The following SMPD4 variants were observed in gnomAD, a reference collection of about 807,000 sequenced individuals.
The protein encoded by SMPD4 is sphingomyelin phosphodiesterase 4.
A neutral mutation model predicts 97.8 loss-of-function variants in SMPD4; 58 were observed. That is an observed-to-expected ratio of 0.59 (90% CI 0.48 to 0.74). SMPD4 has a LOEUF of 0.74. Ranked by LOEUF, SMPD4 falls within the 30% of genes least tolerant of loss-of-function variation. The pLI is 0.00. For missense variants in SMPD4, 853 were observed against 1,080.5 expected, an observed-to-expected ratio of 0.79 and a Z score of 2.95; for synonymous variants, 388 against 450.0, an observed-to-expected ratio of 0.86 and a Z score of 1.74.
Position 130,172,857 on chromosome 2 carries a change from A to G in SMPD4, c.384T>C (p.Pro128=). 1 of 1,613,922 alleles carries G rather than the reference A, an allele frequency of 6.2e-7. No homozygotes were observed. Among genetic ancestry groups the G allele is most frequent in the Non-Finnish European group, 8.5e-7 (1 of 1,179,890 alleles). Residue 128 remains proline (P), a synonymous_variant, in exon 6 of 20, where the codon CCT becomes CCC. Transcript: ENST00000680298. ...VKASIQECIL[P]DSPLYHNKVQ... is the part of the protein sequence containing the mutation. The stretch of plus-strand genomic sequence containing the variant: ...CCTTGTTGTGGTACAGAGGACTGTC[A>G]GGGAGGATGCACTCCTGGATGGACG...
intron 11 of SMPD4, among the ~76,000 whole-genome samples, chr2:130,160,571 G>A (rs1328624385): frequency 6.6e-6 from 1 of 152,236 alleles, no homozygotes; most frequent in African/African-American, 2.4e-5. Flanking sequence ...ATCTGCCTCT[G>A]GAGGTGTGTA....
At chr2:130,162,412 G>A (rs1421401657) in intron 10 of SMPD4, among the ~76,000 whole-genome samples, 8 of 152,266 alleles carry the variant, frequency 5.3e-5, no homozygotes, top group African/African-American at 1.2e-4. Context: ...GCCATGACAC[G>A]CAGAGCAGGG....
At chr2:130,178,279 CTA>C (rs1464322418) in intron 1 of SMPD4, among the ~76,000 whole-genome samples, 1 of 152,156 alleles carries the variant, frequency 6.6e-6, no homozygotes, top group African/African-American at 2.4e-5. Context: ...TACAGATGTA[CTA>C]TGACTGCAGG....
Position 130,154,510 on chromosome 2 carries a change from C to T in SMPD4, c.1454-28G>A. 3 of 1,551,370 alleles carry T rather than the reference C, an allele frequency of 1.9e-6. No homozygotes were observed. In the South Asian group the frequency reaches 3.6e-5, roughly 18 times the overall value. ...AGAAGGCAGGAGACGAACCTGGCAC[C>T]CACTTCCCGGAGGCAGAGTACCCGA... On this transcript the variant is annotated intron_variant, in intron 15 of 19. Transcript: ENST00000680298.
intron 1 of SMPD4, among the ~76,000 whole-genome samples, chr2:130,178,866 A>G (rs1256468780): frequency 1.3e-5 from 2 of 152,014 alleles, no homozygotes; most frequent in African/African-American, 4.8e-5. Flanking sequence ...CTCTCAGCTC[A>G]CCCAGGTCAG....
Position 130,156,153 on chromosome 2 carries a change from G to A in SMPD4, c.1189-18C>T. On this transcript the variant is annotated intron_variant, in intron 13 of 19. Coordinates refer to ENST00000680298, the MANE Select transcript of SMPD4 (RefSeq NM_017951.5). ...TCCAGGACCTGTGGGGGAGGTGTGTGCTAAGGGCTCCGTGGCTGGGGGCCA... is the reference window on the plus strand; with the variant it reads ...TCCAGGACCTGTGGGGGAGGTGTGTACTAAGGGCTCCGTGGCTGGGGGCCA... 4 of 1,591,512 alleles carry A rather than the reference G, an allele frequency of 2.5e-6. No individual in the cohort carries two copies. Among genetic ancestry groups the A allele is most frequent in the Non-Finnish European group, 3.4e-6 (4 of 1,164,038 alleles).
chr2:130,180,303 G>C (rs1023328648), intron 1 of SMPD4, among the ~76,000 whole-genome samples: 2 of 141,716 alleles, frequency 1.4e-5, no homozygotes, highest in Non-Finnish European at 3.1e-5. Flanking sequence ...TCTCGCTCTG[G>C]GCTCTGTCGC....
intron 1 of SMPD4, among the ~76,000 whole-genome samples, chr2:130,179,196 T>C (rs1415775207): frequency 2.0e-5 from 3 of 151,132 alleles, no homozygotes; most frequent in Non-Finnish European, 4.4e-5. Context: ...CTATCTTGGC[T>C]CACTGCAAGC....
rs1686381911 is a variant in SMPD4 at position 130,152,990 on chromosome 2, G to A, written c.2154+53C>T. The A allele has an allele frequency of 2.4e-5, 38 of 1,575,834 alleles. 1 individual carries two copies. The South Asian group carries it at 4.3e-4, about 18-fold the overall frequency. ...CACCCCAGGACTGCACCCCAGGCAG[G>A]AGCATCTAGAACCCTCTCTGAAGAC... On this transcript the variant is annotated intron_variant, in intron 19 of 19. Transcript: ENST00000680298.
Position 130,153,545 on chromosome 2 carries a change from C to A in SMPD4, c.1894-95G>T. 2.5e-6 allele frequency: 4 copies of A among 1,585,110 alleles called. No homozygotes were observed. In the South Asian group the frequency reaches 4.7e-5, roughly 18 times the overall value. ...CCTACAACAGTGGCAACAAGGGGAC[C>A]CAGCTATGACGCTCGGGGTGTGGGC... On this transcript the variant is annotated intron_variant, in intron 17 of 19. Transcript: ENST00000680298.
At chr2:130,171,135 C>CTTT (rs58972698) in intron 8 of SMPD4, among the ~76,000 whole-genome samples, 252 of 144,424 alleles carry the variant, frequency 1.7e-3, no homozygotes, top group African/African-American at 6.2e-3. Flanking sequence ...AATTTCTTTT[C>CTTT]TTTTTTTTTT....
At chr2:130,156,314 G>A (rs989404057) in intron 13 of SMPD4, 179 bp from the exon 14 acceptor site, 2 of 686,882 alleles carry the variant, frequency 2.9e-6, no homozygotes, top group Non-Finnish European at 5.0e-6. Flanking sequence ...CAGAAGCCAG[G>A]GTGGGCTTTT....
At chr2:130,157,210 G>C (rs750797826) in intron 12 of SMPD4, 41 bp downstream of exon 12, 14 of 1,550,502 alleles carry the variant, frequency 9.0e-6, no homozygotes, top group Non-Finnish European at 1.2e-5. Context: ...AGGGGAAAGT[G>C]GGGGAGACGG....
intron 1 of SMPD4, among the ~76,000 whole-genome samples, chr2:130,180,566 C>A (rs1369822965): frequency 6.6e-6 from 1 of 152,218 alleles, no homozygotes; most frequent in Non-Finnish European, 1.5e-5. Context: ...TCACCGCTCC[C>A]GGCCTCAATT....
intron 1 of SMPD4, among the ~76,000 whole-genome samples, chr2:130,177,162 C>T (rs59150415): frequency 0.015 from 2,288 of 152,286 alleles, 52 homozygotes; most frequent in African/African-American, 0.052. Context: ...CTCATTGCAA[C>T]CTCAAACTCC....
chr2:130,162,885 C>T (rs992070063), intron 10 of SMPD4, among the ~76,000 whole-genome samples: 1 of 152,220 alleles, frequency 6.6e-6, no homozygotes, highest in Non-Finnish European at 1.5e-5. Flanking sequence ...GCAAGGTATT[C>T]TGAGCAGGGT....
chr2:130,156,271 C>T, intron 13 of SMPD4, 136 bp from the exon 14 acceptor site: 1 of 794,944 alleles, frequency 1.3e-6, no homozygotes, highest in Non-Finnish European at 2.0e-6. Context: ...GAGACATGCA[C>T]AGCCCTGTGA....
chr2:130,175,569 G>A (rs1688911808), intron 2 of SMPD4, among the ~76,000 whole-genome samples: 2 of 152,154 alleles, frequency 1.3e-5, no homozygotes, highest in African/African-American at 2.4e-5. Context: ...ATTATAGATG[G>A]CTTCAGCCAA....
chr2:130,166,257 C>G (rs1428873381), intron 9 of SMPD4, among the ~76,000 whole-genome samples: 2 of 131,358 alleles, frequency 1.5e-5, no homozygotes, highest in Non-Finnish European at 3.1e-5. Context: ...TGCACAGAGC[C>G]AAGATTGAGC....
Sources: gnomAD v4.1 joint callset for allele counts (sites outside exome capture counted in the v4.1 genomes callset) on GRCh38, gnomAD v4.1.1 for gene constraint, MANE v1.5 for transcripts, NCBI Gene and HGNC (gene_info 2026-07-23, HGNC 2026-07-21) for gene names.